Variants in GSE1 observed in about 807,000 individuals in gnomAD.
The protein encoded by GSE1 is Gse1 coiled-coil protein, also known as genetic suppressor element 1.
In GSE1, 32 loss-of-function variants were observed where a neutral mutation model predicts 112.6. The observed-to-expected ratio is 0.28, with a 90% CI of 0.21 to 0.38. The LOEUF is 0.38. Among genes scored for constraint, GSE1 ranks in the 10% least tolerant of loss-of-function variants. GSE1 has a pLI of 1.00. For synonymous variants in GSE1, 1,115 were observed against 735.6 expected, an observed-to-expected ratio of 1.52 and a Z score of -8.35; for missense variants, 2,348 against 1,699.2, an observed-to-expected ratio of 1.38 and a Z score of -6.71.
intron 2 of GSE1, among the ~76,000 whole-genome samples, chr16:85,450,859 G>A (rs989553191): frequency 1.3e-5 from 2 of 151,964 alleles, no homozygotes; most frequent in African/African-American, 4.8e-5. Context: ...TTAGGCGTTC[G>A]AGACCAGCCT....
intron 2 of GSE1, among the ~76,000 whole-genome samples, chr16:85,489,410 C>A (rs1322058941): frequency 6.6e-6 from 1 of 152,072 alleles, no homozygotes; most frequent in Non-Finnish European, 1.5e-5. Context: ...GTACATGGCT[C>A]CAGCACCATC....
intron 1 of GSE1, among the ~76,000 whole-genome samples, chr16:85,277,591 AC>A (rs1909496015): frequency 6.6e-6 from 1 of 152,144 alleles, no homozygotes; most frequent in Admixed American, 6.5e-5. Flanking sequence ...CCTCCCGCCT[AC>A]CCACAGGTGC....
chr16:85,486,984 C>T (rs2050862731), intron 2 of GSE1, among the ~76,000 whole-genome samples: 1 of 152,112 alleles, frequency 6.6e-6, no homozygotes. Context: ...GTATAGGCAC[C>T]CCAGGGACTT....
chr16:85,285,403 C>G (rs2044990697), intron 1 of GSE1: 1 of 152,246 alleles, frequency 6.6e-6, no homozygotes, highest in African/African-American at 2.4e-5. Context: ...AAAGCACAGC[C>G]AAGCATGGTG....
At chr16:85,467,453 C>T (rs1156546399) in intron 2 of GSE1, among the ~76,000 whole-genome samples, 1 of 152,188 alleles carries the variant, frequency 6.6e-6, no homozygotes, top group Non-Finnish European at 1.5e-5. Context: ...CAGCTCTCGC[C>T]TGGGATCTCA....
chr16:85,398,193 C>T (rs750743183), intron 2 of GSE1, among the ~76,000 whole-genome samples: 11 of 152,066 alleles, frequency 7.2e-5, no homozygotes, highest in Admixed American at 5.9e-4. Context: ...TCACAGGTTC[C>T]CAGGATGGTT....
chr16:85,666,077 C>A lies in GSE1; in HGVS notation c.2860C>A (p.Gln954Lys). ...PKAAEPGKLE[Q>K]VRPQELSRVQ... ...GGCCGCGGAGCCTGGGAAGCTGGAA[C>A]AGGTCCGGCCCCAGGAGCTGTCGAG... Residue 954 changes from glutamine (Q) to lysine (K), a missense_variant, in exon 13 of 16, where the codon CAG (glutamine) becomes AAG (lysine). Physicochemically the swap from Gln to Lys is moderately conservative, Grantham distance 53 (BLOSUM62 1). Transcript: ENST00000253458. 1 of 1,613,346 alleles carries A rather than the reference C, an allele frequency of 6.2e-7. No homozygotes were observed. The highest frequency in any genetic ancestry group is 1.1e-5 in the South Asian group (1 of 91,082).
intron 2 of GSE1, among the ~76,000 whole-genome samples, chr16:85,451,066 C>A (rs2049664840): frequency 2.5e-5 from 2 of 79,688 alleles, no homozygotes; most frequent in Admixed American, 4.1e-4. Flanking sequence ...AAGAGCAAAA[C>A]GCCATCTCAA....
rs556192036 is a variant in GSE1 at position 85,292,908 on chromosome 16, G to A, written c.2284-64555G>A. On this transcript the variant is annotated intron_variant, in intron 1 of 2. Coordinates refer to the GSE1 transcript ENST00000637419. ...ATTACCTCTTGTGATGAATAGCTGT[G>A]TGTGCACGCAAATTAAATTGCTTTA... 2.0e-5 allele frequency among the ~76,000 whole-genome samples: 3 copies of A among 152,350 alleles called. No homozygotes were observed. In the East Asian group the frequency reaches 5.8e-4, roughly 29 times the overall value.
At chr16:85,487,527 T>C (rs1439681398) in intron 2 of GSE1, among the ~76,000 whole-genome samples, 24 of 152,184 alleles carry the variant, frequency 1.6e-4, no homozygotes, top group Admixed American at 1.6e-3. Flanking sequence ...ATTCCCCTTA[T>C]TTCTATCTGT....
chr16:85,572,605 C>G (rs1168758963), intron 1 of GSE1, among the ~76,000 whole-genome samples: 3 of 152,158 alleles, frequency 2.0e-5, no homozygotes, highest in Admixed American at 1.3e-4. Flanking sequence ...TGTGCCTTGC[C>G]TTCTTTTCCA....
intron 2 of GSE1, among the ~76,000 whole-genome samples, chr16:85,500,527 C>G (rs1030236730): frequency 2.0e-5 from 3 of 152,268 alleles, no homozygotes; most frequent in Non-Finnish European, 4.4e-5. Context: ...TCCATGGGAA[C>G]TGCGCACCAA....
chr16:85,315,348 T>C (rs954217105), intron 1 of GSE1, among the ~76,000 whole-genome samples: 3 of 152,124 alleles, frequency 2.0e-5, no homozygotes, highest in African/African-American at 7.2e-5. Context: ...ACGTTTTGCT[T>C]ACAAATAGGG....
chr16:85,446,229 C>T (rs2049508186), intron 2 of GSE1, among the ~76,000 whole-genome samples: 1 of 152,174 alleles, frequency 6.6e-6, no homozygotes, highest in Non-Finnish European at 1.5e-5. Flanking sequence ...ACAACAAGGC[C>T]TCTGCTGTGT....
chr16:85,471,951 T>G (rs2050308693), intron 2 of GSE1, among the ~76,000 whole-genome samples: 1 of 152,202 alleles, frequency 6.6e-6, no homozygotes, highest in Non-Finnish European at 1.5e-5. Context: ...TGATGAGTGT[T>G]TACACCTTAA....
intron 2 of GSE1, among the ~76,000 whole-genome samples, chr16:85,363,197 G>A (rs1291011189): frequency 1.3e-5 from 2 of 152,176 alleles, no homozygotes; most frequent in Admixed American, 6.5e-5. Flanking sequence ...TTGGGGTGGG[G>A]TTGCAGAAAA....
intron 1 of GSE1, among the ~76,000 whole-genome samples, chr16:85,596,565 T>G (rs1477084904): frequency 6.6e-6 from 1 of 152,262 alleles, no homozygotes; most frequent in Non-Finnish European, 1.5e-5. Context: ...GTTTCTGTAT[T>G]CTAACATTAT....
At chr16:85,218,290 C>T (rs1023210843) in intron 1 of GSE1, among the ~76,000 whole-genome samples, 1 of 152,168 alleles carries the variant, frequency 6.6e-6, no homozygotes, top group South Asian at 2.1e-4. Flanking sequence ...GTCCAGAGCA[C>T]CAGGTTTGAG....
chr16:85,635,798 C>T lies in GSE1; in HGVS notation c.226+1666C>T, dbSNP rs571601372. 5.3e-5 allele frequency among the ~76,000 whole-genome samples: 8 copies of T among 152,320 alleles called. No homozygotes were observed. The South Asian group carries it at 1.2e-3, about 24-fold the overall frequency. ...CTGTGTCTGCTTTGGGGCCTCTGGG[C>T]TCCACCCCTGGGTAACGCTGCAGAG... On this transcript the variant is annotated intron_variant, in intron 2 of 15. Coordinates refer to ENST00000253458, the MANE Select transcript of GSE1 (RefSeq NM_014615.5).
Sources: allele counts gnomAD v4.1 joint callset (sites outside exome capture counted in the v4.1 genomes callset), GRCh38; gene constraint gnomAD v4.1.1; transcripts MANE v1.5; gene names NCBI Gene and HGNC (gene_info 2026-07-23, HGNC 2026-07-21).